PARVB: variants seen among roughly 807,000 people sequenced by gnomAD.
PARVB encodes beta-parvin.
Under a neutral mutation model 47.0 loss-of-function variants are expected in PARVB, and 46 were observed. The observed-to-expected ratio is 0.98, with a 90% CI of 0.77 to 1.25. PARVB has a LOEUF of 1.25. Ranked by LOEUF, PARVB falls within the 50% of genes most tolerant of loss-of-function variation. PARVB has a pLI of 0.00. For missense variants in PARVB, 473 were observed against 471.6 expected (o/e 1.00, Z -0.03); for synonymous variants, 196 against 196.3 (o/e 1.00, Z 0.01).
At chr22:44,032,216 C>T (rs1051167844) in intron 1 of PARVB, among the ~76,000 whole-genome samples, 12 of 152,160 alleles carry the variant, frequency 7.9e-5, no homozygotes, top group Non-Finnish European at 1.5e-4. Context: ...CAAATGAGAG[C>T]CTTCTCTCTG....
intron 1 of PARVB, among the ~76,000 whole-genome samples, chr22:44,037,316 G>A (rs1294625813): frequency 1.3e-5 from 2 of 152,144 alleles, no homozygotes; most frequent in Admixed American, 6.6e-5. Context: ...CCAGCTACTC[G>A]GGAGGCTGAG....
At chr22:44,095,947 G>C (rs116618025) in intron 2 of PARVB, among the ~76,000 whole-genome samples, 10,765 of 152,268 alleles carry the variant, frequency 0.071, 383 homozygotes, top group Middle Eastern at 0.11. Context: ...GGCCCCACCA[G>C]GCTCGGTGGC....
At chr22:44,164,416 C>G (rs911246349) in intron 12 of PARVB, among the ~76,000 whole-genome samples, 1 of 127,750 alleles carries the variant, frequency 7.8e-6, no homozygotes, top group Non-Finnish European at 1.9e-5. Flanking sequence ...CTGTCCCCCC[C>G]CCGGCTCCTG....
chr22:44,142,305 G>C (rs1214820502), intron 8 of PARVB: 3 of 144,906 alleles, frequency 2.1e-5, no homozygotes, highest in African/African-American at 7.7e-5. Context: ...TTGAACCCAG[G>C]AGGTGGAGGT....
chr22:44,035,439 C>T (rs1157716392), intron 1 of PARVB, among the ~76,000 whole-genome samples: 4 of 145,160 alleles, frequency 2.8e-5, no homozygotes, highest in East Asian at 2.1e-4. Flanking sequence ...GGTGCGATCT[C>T]GGCTCACTGC....
intron 2 of PARVB, 77 bp from the exon 3 acceptor site, chr22:44,099,976 A>C (rs2052402314): frequency 8.8e-7 from 1 of 1,136,240 alleles, no homozygotes; most frequent in Admixed American, 1.7e-5. Flanking sequence ...GTCAGAGATG[A>C]GTTGGCCTCC....
At chr22:44,015,677 T>A (rs1183204418) in intron 2 of PARVB, among the ~76,000 whole-genome samples, 2 of 152,092 alleles carry the variant, frequency 1.3e-5, no homozygotes, top group Non-Finnish European at 2.9e-5. Flanking sequence ...AAATTAGCTG[T>A]GGGTGATGAT....
intron 3 of PARVB, chr22:44,104,641 T>G (rs2052527969): frequency 6.6e-6 from 1 of 152,252 alleles, no homozygotes; most frequent in African/African-American, 2.4e-5. Context: ...AGGTCCTCAC[T>G]ACACAAGGCC....
In PARVB at chr22:44,132,994, G is replaced by C; in HGVS notation, c.618G>C (p.Gln206His). The part of the protein sequence containing the change: ...PIRLPEHVTV[Q>H]VVVVRKREGL... Reference sequence around the variant, plus strand: ...GCCTTCCTGAGCATGTAACGGTGCAGGTGGTGGTCGTGCGGGTGAGTATAA... The same window carrying C: ...GCCTTCCTGAGCATGTAACGGTGCACGTGGTGGTCGTGCGGGTGAGTATAA... The change falls in exon 6 of 13, where the codon CAG becomes CAC. Residue 206 changes from glutamine (Q) to histidine (H), a missense_variant. Gln to His is a conservative substitution (Grantham distance 24). Coordinates refer to ENST00000338758, the MANE Select transcript of PARVB (RefSeq NM_013327.5). 1 of 1,613,636 alleles carries C rather than the reference G, an allele frequency of 6.2e-7. No individual in the cohort carries two copies. Among genetic ancestry groups the C allele is most frequent in the Non-Finnish European group, 8.5e-7 (1 of 1,179,694 alleles).
intron 1 of PARVB, among the ~76,000 whole-genome samples, chr22:44,035,875 T>C (rs1190346022): frequency 6.6e-6 from 1 of 152,186 alleles, no homozygotes; most frequent in East Asian, 1.9e-4. Context: ...CATCAAATAA[T>C]GTTCTAAGCA....
chr22:44,119,747 T>TA (rs758868249), intron 4 of PARVB: 1 of 526,450 alleles, frequency 1.9e-6, no homozygotes, highest in South Asian at 1.4e-5. Context: ...CCTCAGAACT[T>TA]ACAGTCTGTC....
intron 2 of PARVB, among the ~76,000 whole-genome samples, chr22:44,096,085 T>TCC (rs1425718376): frequency 7.9e-5 from 12 of 152,092 alleles, no homozygotes; most frequent in Non-Finnish European, 1.5e-4. Flanking sequence ...ATTGGCTGAG[T>TCC]GTGGTGGCAA....
At chr22:44,097,045 G>C (rs2052325385) in intron 2 of PARVB, among the ~76,000 whole-genome samples, 1 of 151,956 alleles carries the variant, frequency 6.6e-6, no homozygotes, top group Non-Finnish European at 1.5e-5. Flanking sequence ...CTCCTCGAGG[G>C]GTCCTGCCTC....
intron 1 of PARVB, among the ~76,000 whole-genome samples, chr22:44,063,420 T>C (rs999997376): frequency 6.6e-6 from 1 of 152,066 alleles, no homozygotes; most frequent in Non-Finnish European, 1.5e-5. Flanking sequence ...AGAGACGGGG[T>C]TTCACTATGT....
intron 12 of PARVB, 75 bp downstream of exon 12, chr22:44,164,005 G>T: frequency 8.6e-7 from 1 of 1,166,942 alleles, no homozygotes; most frequent in South Asian, 1.4e-5. Context: ...AGAAGTGGCT[G>T]GAAGGCTGGC....
At chr22:44,122,400 C>A (rs1186777469) in intron 4 of PARVB, among the ~76,000 whole-genome samples, 1 of 151,978 alleles carries the variant, frequency 6.6e-6, no homozygotes, top group Non-Finnish European at 1.5e-5. Context: ...GCAGGAGGAT[C>A]ACTTGAGCCT....
chr22:44,086,866 G>T, intron 1 of PARVB: 1 of 981,336 alleles, frequency 1.0e-6, no homozygotes, highest in Non-Finnish European at 1.2e-6. Context: ...TCATTTCCTG[G>T]CAGAGGCCTG....
In PARVB at chr22:44,140,171, A is replaced by T. The variant is rs143855357; in HGVS notation, c.712+28A>T. On this transcript the variant is annotated intron_variant, in intron 8 of 12. Coordinates refer to ENST00000338758, the MANE Select transcript of PARVB (RefSeq NM_013327.5). ...AAGTAACCCCAGGGAAAGTGGGGAGATGGAGGCATGTTAGGGCTCCCCCAG... is the reference window on the plus strand; with the variant it reads ...AAGTAACCCCAGGGAAAGTGGGGAGTTGGAGGCATGTTAGGGCTCCCCCAG... 31 of 1,586,400 alleles carry T rather than the reference A, an allele frequency of 2.0e-5. No homozygotes were observed. The Admixed American group carries it at 5.2e-4, about 27-fold the overall frequency.
intron 4 of PARVB, among the ~76,000 whole-genome samples, chr22:44,122,488 A>AGAGAGAGAGAG (rs2053069849): frequency 1.3e-5 from 1 of 76,674 alleles, no homozygotes; most frequent in East Asian, 3.8e-4. Context: ...CCTGTCGATC[A>AGAGAGAGAGAG]AGAGAGAGAG....
Sources: allele counts gnomAD v4.1 joint callset (sites outside exome capture counted in the v4.1 genomes callset), GRCh38; gene constraint gnomAD v4.1.1; transcripts MANE v1.5; gene names NCBI Gene and HGNC (gene_info 2026-07-23, HGNC 2026-07-21).